LY6G6D: variants seen among roughly 807,000 people sequenced by gnomAD.
LY6G6D encodes the protein lymphocyte antigen 6 family member G6D, also known as lymphocyte antigen 6 complex locus protein G6d.
LY6G6D carries 5 observed loss-of-function variants against 8.5 expected under a neutral mutation model. That is an observed-to-expected ratio of 0.59 (90% CI 0.31 to 1.24). LY6G6D has a LOEUF of 1.24. Ranked by LOEUF, LY6G6D falls within the 50% of genes most tolerant of loss-of-function variation. The probability of loss-of-function intolerance (pLI) is 0.07; values close to 1 mark genes in which losing one functional copy is unlikely to be tolerated. For synonymous variants in LY6G6D, 65 were observed against 69.6 expected, an observed-to-expected ratio of 0.93 and a Z score of 0.33; for missense variants, 154 against 170.4, an observed-to-expected ratio of 0.90 and a Z score of 0.53.
rs142319575 is a variant in LY6G6D, at chr6:31,715,817, C to T, written c.178+193C>T. On this transcript the variant is annotated intron_variant, in intron 2 of 2. Transcript: ENST00000375825. The stretch of plus-strand genomic sequence containing the variant: ...GAGAGGCCCACAGTCCTTGTGCCCC[C>T]ACTTCCCCACCTCCTTATTCTCCTA... Among the ~76,000 whole-genome samples, 989 of 152,248 alleles carry T rather than the reference C, an allele frequency of 6.5e-3. 8 individuals are homozygous for T. Among genetic ancestry groups the T allele is most frequent in the Non-Finnish European group, 0.01 (707 of 68,008 alleles).
Position 31,715,370 on chromosome 6 carries a change from T to C in LY6G6D, c.15T>C (p.Phe5=). 3.1e-6 allele frequency: 5 copies of C among 1,600,932 alleles called. No individual in the cohort carries two copies. The highest frequency in any genetic ancestry group is 4.3e-6 in the Non-Finnish European group (5 of 1,172,500). ...GGCAGACTGCGATGAAACCCCAGTT[T>C]GTTGGGATCTTGCTCAGCTCCCTGC... is the stretch of plus-strand genomic sequence containing the variant. MKPQ[F]VGILLSSLLG... Residue 5 remains phenylalanine, a synonymous_variant, in exon 1 of 3, where the codon TTT becomes TTC. Coordinates refer to ENST00000375825, the MANE Select transcript of LY6G6D (RefSeq NM_021246.4).
chr6:31,717,518 C>T lies in LY6G6D; in HGVS notation c.179-63C>T. ...TGGGCTCCTTGAAATCACATCTGCT[C>T]TGCCCCAGAAGGCAAGTCCTGAAGC... On this transcript the variant is annotated intron_variant, in intron 2 of 2. Coordinates refer to ENST00000375825, the MANE Select transcript of LY6G6D (RefSeq NM_021246.4). The surrounding 1 kb of genome is among the most constrained non-coding windows in gnomAD (Gnocchi z 5.0). The T allele has an allele frequency of 6.2e-7, 1 of 1,614,062 alleles. No homozygotes were observed. Among genetic ancestry groups the T allele is most frequent in the East Asian group, 2.2e-5 (1 of 44,890 alleles).
chr6:31,717,836 G>T lies in LY6G6D; in HGVS notation c.*32G>T. On this transcript the variant is annotated 3_prime_UTR_variant, in exon 3 of 3. Transcript: ENST00000375825. This position sits in a 1 kb window ranked among gnomAD's most constrained non-coding sequence, Gnocchi z 5.0. ...TAGGAGTAGAGAAGGGAACAAGGGAGCAAGGGAACAAGGGACATCTGAACA... is the reference window on the plus strand; with the variant it reads ...TAGGAGTAGAGAAGGGAACAAGGGATCAAGGGAACAAGGGACATCTGAACA... The T allele has an allele frequency of 6.3e-7, 1 of 1,586,834 alleles. No individual in the cohort carries two copies. The highest frequency in any genetic ancestry group is 8.6e-7 in the Non-Finnish European group (1 of 1,168,734).
At position 31,715,642 on chromosome 6, in the gene LY6G6D, C is replaced by T; in HGVS notation, c.178+18C>T. On this transcript the variant is annotated intron_variant, in intron 2 of 2. Coordinates refer to ENST00000375825, the MANE Select transcript of LY6G6D (RefSeq NM_021246.4). Reference sequence around the variant, plus strand: ...TGGAAACCGTGAGTCCTCAGTTTCTCCCTCTTCCAGCAGCCTTTCCCTGCC... The same window carrying T: ...TGGAAACCGTGAGTCCTCAGTTTCTTCCTCTTCCAGCAGCCTTTCCCTGCC... 1.9e-6 allele frequency: 3 copies of T among 1,608,894 alleles called. No individual in the cohort carries two copies. Among genetic ancestry groups the T allele is most frequent in the Non-Finnish European group, 2.5e-6 (3 of 1,176,616 alleles).
Position 31,715,399 on chromosome 6 carries a change from G to A in LY6G6D, c.44G>A (p.Gly15Glu), listed in dbSNP as rs774809722. ...FVGILLSSLL[G>E]AALGNRMRCY... is the part of the protein sequence containing the mutation. ...GGGATCTTGCTCAGCTCCCTGCTAG[G>A]GGCTGCCTTGGGTAAGGAGGCGGCC... The change falls in exon 1 of 3, where the codon GGG becomes GAG. Residue 15 changes from glycine (G) to glutamate (E), a missense_variant. By Grantham distance (98) the Gly-to-Glu change is moderately conservative. Transcript: ENST00000375825. 19 of 1,605,400 alleles carry A rather than the reference G, an allele frequency of 1.2e-5. No individual in the cohort carries two copies. Among genetic ancestry groups the A allele is most frequent in the Admixed American group, 3.4e-5 (2 of 59,530 alleles).
chr6:31,715,512 G>A lies in LY6G6D; in HGVS notation c.66G>A (p.Met22Ile). The A allele has an allele frequency of 6.2e-7, 1 of 1,612,776 alleles. No individual in the cohort carries two copies. Among genetic ancestry groups the A allele is most frequent in the Non-Finnish European group, 8.5e-7 (1 of 1,179,812 alleles). ...CTTTTCTCCTGCCAGGAAACCGAAT[G>A]CGGTGCTACAACTGTGGTGGAAGCC... ...SLLGAALGNR[M>I]RCYNCGGSPS... Residue 22 changes from methionine to isoleucine, a missense_variant, in exon 2 of 3, where the codon ATG (methionine) becomes ATA (isoleucine). Physicochemically the swap from Met to Ile is conservative, Grantham distance 10 (BLOSUM62 1). Coordinates refer to ENST00000375825, the MANE Select transcript of LY6G6D (RefSeq NM_021246.4).
chr6:31,716,988 C>T lies in LY6G6D; in HGVS notation c.179-593C>T, dbSNP rs529717787. On this transcript the variant is annotated intron_variant, in intron 2 of 2. Coordinates refer to ENST00000375825, the MANE Select transcript of LY6G6D (RefSeq NM_021246.4). The surrounding 1 kb of genome is among the most constrained non-coding windows in gnomAD (Gnocchi z 5.1). ...ATTACGTGCCGGATGCAGTGGCTCA[C>T]GCCTGTAATCCCAGCACTTTGGGAG... Among the ~76,000 whole-genome samples, 46 of 152,198 alleles carry T rather than the reference C, an allele frequency of 3.0e-4. No individual in the cohort carries two copies. Among genetic ancestry groups the T allele is most frequent in the South Asian group, 1.5e-3 (7 of 4,810 alleles).
Position 31,716,505 on chromosome 6 carries a change from CAG to C in LY6G6D, c.178+882_178+883del, listed in dbSNP as rs1405087726. Among the ~76,000 whole-genome samples, 1 of 152,004 alleles carries C rather than the reference CAG, an allele frequency of 6.6e-6. No individual in the cohort carries two copies. Among genetic ancestry groups the C allele is most frequent in the African/African-American group, 2.4e-5 (1 of 41,374 alleles). On this transcript the variant is annotated intron_variant, in intron 2 of 2. Transcript: ENST00000375825. The surrounding 1 kb of genome is among the most constrained non-coding windows in gnomAD (Gnocchi z 5.1). ...GCACATGCTTGTAGTCCTAGCTACT[CAG>C]GGGGCTGAAGAGGGAGGATCGCTTG...
At position 31,715,579 on chromosome 6, in the gene LY6G6D, G is replaced by A. The variant is rs1220025401; in HGVS notation, c.133G>A (p.Gly45Ser). Residue 45 changes from glycine to serine, a missense_variant, in exon 2 of 3, where the codon GGC becomes AGC. Physicochemically the swap from Gly to Ser is moderately conservative, Grantham distance 56. Transcript: ENST00000375825. The stretch of plus-strand genomic sequence containing the variant: ...AGAGGCCGTGACCACCTGTGGCGAG[G>A]GCAGACCCCAGCCAGGCCTGGAACA... ...CKEAVTTCGEGRPQPGLEQIK... is the reference protein window; with the variant it reads ...CKEAVTTCGESRPQPGLEQIK... 5.0e-6 allele frequency: 8 copies of A among 1,612,952 alleles called. No homozygotes were observed. In the East Asian group the frequency reaches 8.9e-5, roughly 18 times the overall value.
In LY6G6D at chr6:31,715,590, G is replaced by T. The variant is rs143744153; in HGVS notation, c.144G>T (p.Gln48His). ...CCACCTGTGGCGAGGGCAGACCCCA[G>T]CCAGGCCTGGAACAGATCAAGCTAC... Reference protein sequence around the residue: ...AVTTCGEGRPQPGLEQIKLPG... With the variant: ...AVTTCGEGRPHPGLEQIKLPG... The change falls in exon 2 of 3, where the codon CAG becomes CAT. Residue 48 changes from glutamine to histidine, a missense_variant. Physicochemically the swap from Gln to His is conservative, Grantham distance 24 (BLOSUM62 0). Coordinates refer to ENST00000375825, the MANE Select transcript of LY6G6D (RefSeq NM_021246.4). 6.2e-7 allele frequency: 1 copy of T among 1,613,086 alleles called. No individual in the cohort carries two copies. The highest frequency in any genetic ancestry group is 8.5e-7 in the Non-Finnish European group (1 of 1,180,030).
At position 31,717,877 on chromosome 6, in the gene LY6G6D, G is replaced by C. The variant is rs3131384; in HGVS notation, c.*73G>C. ...CATCTGAACATCTAATGTGAGAAGAGAAACATCCTTCTGTGAGTCATTAAA... is the reference window on the plus strand; with the variant it reads ...CATCTGAACATCTAATGTGAGAAGACAAACATCCTTCTGTGAGTCATTAAA... On this transcript the variant is annotated 3_prime_UTR_variant, in exon 3 of 3. Transcript: ENST00000375825. The surrounding 1 kb of genome is among the most constrained non-coding windows in gnomAD (Gnocchi z 5.0). 1,267,727 of 1,520,376 alleles carry C rather than the reference G, an allele frequency of 0.83. 530,696 individuals are homozygous for C. The highest frequency in any genetic ancestry group is 0.97 in the African/African-American group (70,279 of 72,754). 94.2% of individuals were successfully genotyped at this position (1,520,376 alleles called of 1,614,324 possible). A position where few individuals can be genotyped will look rare whatever the true frequency, so the allele number is the denominator to read the frequency against.
rs1319103661 is a variant in LY6G6D at position 31,717,726 on chromosome 6, C to T, written c.324C>T (p.Ser108=). The part of the protein sequence containing the change: ...LGDLCNSAVA[S]HVAPAGILAA... The stretch of plus-strand genomic sequence containing the variant: ...ACCTGTGCAACAGCGCCGTGGCAAG[C>T]CATGTGGCCCCTGCAGGCATTTTGG... The change falls in exon 3 of 3, where the codon AGC becomes AGT. Residue 108 remains serine (S), a synonymous_variant. Coordinates refer to ENST00000375825, the MANE Select transcript of LY6G6D (RefSeq NM_021246.4). The surrounding 1 kb of genome is among the most constrained non-coding windows in gnomAD (Gnocchi z 5.0). The T allele has an allele frequency of 6.2e-7, 1 of 1,614,212 alleles. No individual in the cohort carries two copies. The highest frequency in any genetic ancestry group is 1.1e-5 in the South Asian group (1 of 91,086).
At position 31,717,020 on chromosome 6, in the gene LY6G6D, G is replaced by A. The variant is rs1327040982; in HGVS notation, c.179-561G>A. Among the ~76,000 whole-genome samples the A allele has an allele frequency of 6.6e-6, 1 of 152,210 alleles. No homozygotes were observed. Among genetic ancestry groups the A allele is most frequent in the African/African-American group, 2.4e-5 (1 of 41,454 alleles). On this transcript the variant is annotated intron_variant, in intron 2 of 2. Transcript: ENST00000375825. The surrounding 1 kb of genome is among the most constrained non-coding windows in gnomAD (Gnocchi z 5.0). ...AATCCCAGCACTTTGGGAGGCCAAG[G>A]CGGGTGGATAACCTGAGGTCGGGAG...
intron 2 of LY6G6D, 102 bp downstream of exon 2, chr6:31,715,726 G>A (rs530687450): frequency 4.0e-6 from 6 of 1,510,666 alleles, no homozygotes; most frequent in Non-Finnish European, 4.4e-6. Flanking sequence ...TCTGGCTCTG[G>A]GCAGATGGTG....
rs9461716 is a variant in LY6G6D, at chr6:31,717,066, T to C, written c.179-515T>C. On this transcript the variant is annotated intron_variant, in intron 2 of 2. Transcript: ENST00000375825. This position sits in a 1 kb window ranked among gnomAD's most constrained non-coding sequence, Gnocchi z 5.0. Reference sequence around the variant, plus strand: ...GGGAGTTCAAGACCAGCCTGATCAATGTGGAGAAATCTCGTCTCTACTAAA... The same window carrying C: ...GGGAGTTCAAGACCAGCCTGATCAACGTGGAGAAATCTCGTCTCTACTAAA... Among the ~76,000 whole-genome samples, 11,239 of 152,128 alleles carry C rather than the reference T, an allele frequency of 0.074. 689 individuals carry two copies. The highest frequency in any genetic ancestry group is 0.15 in the East Asian group (792 of 5,182).
Position 31,716,008 on chromosome 6 carries a change from T to C in LY6G6D, c.178+384T>C, listed in dbSNP as rs1806412830. ...GTGTGTGTACATGTTTTTAATATTT[T>C]ATTTTAACATAATTTTGGATTGACA... On this transcript the variant is annotated intron_variant, in intron 2 of 2. Coordinates refer to ENST00000375825, the MANE Select transcript of LY6G6D (RefSeq NM_021246.4). The surrounding 1 kb of genome is among the most constrained non-coding windows in gnomAD (Gnocchi z 5.1). Among the ~76,000 whole-genome samples, 2 of 152,028 alleles carry C rather than the reference T, an allele frequency of 1.3e-5. No individual in the cohort carries two copies. The highest frequency in any genetic ancestry group is 1.3e-4 in the Admixed American group (2 of 15,258).
intron 2 of LY6G6D, among the ~76,000 whole-genome samples, 154 bp downstream of exon 2, chr6:31,715,778 G>C (rs1806386599): frequency 6.6e-6 from 1 of 152,142 alleles, no homozygotes; most frequent in Non-Finnish European, 1.5e-5. Context: ...TCTGGCTCCT[G>C]GCACGGAGCC....
Position 31,716,801 on chromosome 6 carries a change from C to A in LY6G6D, c.179-780C>A, listed in dbSNP as rs1806463299. Among the ~76,000 whole-genome samples the A allele has an allele frequency of 6.6e-6, 1 of 151,988 alleles. No individual in the cohort carries two copies. The highest frequency in any genetic ancestry group is 2.1e-4 in the South Asian group (1 of 4,822). On this transcript the variant is annotated intron_variant, in intron 2 of 2. Transcript: ENST00000375825. The surrounding 1 kb of genome is among the most constrained non-coding windows in gnomAD (Gnocchi z 5.1). Reference sequence around the variant, plus strand: ...AATTAGCCAGGCATAGTGGCACACACCTGTAATCTCAGTTTCCTGAGAGGC... The same window carrying A: ...AATTAGCCAGGCATAGTGGCACACAACTGTAATCTCAGTTTCCTGAGAGGC...
At chr6:31,715,761 T>C in intron 2 of LY6G6D, 137 bp downstream of exon 2, 2 of 1,328,648 alleles carry the variant, frequency 1.5e-6, no homozygotes, top group Non-Finnish European at 2.0e-6. Context: ...GAGCAGTCTG[T>C]ACCCCTTCTG....
Sources: allele counts gnomAD v4.1 joint callset (sites outside exome capture counted in the v4.1 genomes callset), GRCh38; gene constraint gnomAD v4.1.1; non-coding constraint Gnocchi (gnomAD v3.1); transcripts MANE v1.5; gene names NCBI Gene and HGNC (gene_info 2026-07-23, HGNC 2026-07-21).